LIF: variants seen among roughly 807,000 people sequenced by gnomAD.
LIF encodes leukemia inhibitory factor.
Under a neutral mutation model 15.0 loss-of-function variants are expected in LIF, and 9 were observed. The observed-to-expected ratio is 0.60, with a 90% confidence interval of 0.36 to 1.04. The LOEUF is 1.04. Among genes scored for constraint, LIF ranks in the 50% least tolerant of loss-of-function variants. The pLI is 0.01. For missense variants in LIF, 240 were observed against 266.7 expected, an observed-to-expected ratio of 0.90 and a Z score of 0.70; for synonymous variants, 122 against 119.7, an observed-to-expected ratio of 1.02 and a Z score of -0.13.
rs1928762175 is a variant in LIF at position 30,243,813 on chromosome 22, G to A, written c.447C>T (p.Ser149=). ...ATADILRGLL[S]NVLCRLCSKY... ...TGCTGCACAGGCGGCACAGCACGTT[G>A]CTAAGGAGGCCTCGCAGGATGTCGG... Residue 149 remains serine (S), a synonymous_variant, in exon 3 of 3, where the codon AGC becomes AGT. Coordinates refer to ENST00000249075, the MANE Select transcript of LIF (RefSeq NM_002309.5). This position sits in a 1 kb window ranked among gnomAD's most constrained non-coding sequence, Gnocchi z 6.0. 2 of 1,614,256 alleles carry A rather than the reference G, an allele frequency of 1.2e-6. No homozygotes were observed. The highest frequency in any genetic ancestry group is 1.7e-6 in the Non-Finnish European group (2 of 1,180,048).
chr22:30,242,480 G>A lies in LIF; in HGVS notation c.*1171C>T, dbSNP rs1928712995. ...CTGCTAAGCCCTGGCCCTGGCGCTT[G>A]TGTCGGGAGCCATCATCATATTTTG... On this transcript the variant is annotated 3_prime_UTR_variant, in exon 3 of 3. Transcript: ENST00000249075. The A allele has an allele frequency of 6.5e-6, 1 of 152,778 alleles. No homozygotes were observed. Among genetic ancestry groups the A allele is most frequent in the South Asian group, 2.1e-4 (1 of 4,828 alleles). 9.5% of individuals were successfully genotyped at this position (152,778 alleles called of 1,614,324 possible).
rs1314749411 is a variant in LIF, at chr22:30,242,939, A to T, written c.*712T>A. ...CCAGGCTGCAGGGAAGATCACGGGG[A>T]AGAGAACGAAGAACCTACCAAAGCT... On this transcript the variant is annotated 3_prime_UTR_variant, in exon 3 of 3. Transcript: ENST00000249075. 6.5e-6 allele frequency: 1 copy of T among 154,778 alleles called. No individual in the cohort carries two copies. Among genetic ancestry groups the T allele is most frequent in the East Asian group, 1.9e-4 (1 of 5,342 alleles). 9.6% of individuals were successfully genotyped at this position (154,778 alleles called of 1,614,324 possible).
intron 1 of LIF, among the ~76,000 whole-genome samples, chr22:30,245,350 C>T (rs41282467): frequency 0.02 from 3,098 of 152,262 alleles, 48 homozygotes; most frequent in Non-Finnish European, 0.029. Context: ...TCCCACCTCC[C>T]GTGGTGGCCC....
chr22:30,245,029 G>A, intron 1 of LIF, 96 bp from the exon 2 acceptor site: 1 of 1,194,226 alleles, frequency 8.4e-7, no homozygotes, highest in Non-Finnish European at 1.2e-6. Flanking sequence ...TGGCCGCATG[G>A]GAGAGGACTC....
At chr22:30,245,100 C>T (rs905268776) in intron 1 of LIF, among the ~76,000 whole-genome samples, 167 bp from the exon 2 acceptor site, 9 of 152,212 alleles carry the variant, frequency 5.9e-5, no homozygotes, top group African/African-American at 9.7e-5. Flanking sequence ...TCTGTCACTG[C>T]GTGTGTTTCT....
intron 1 of LIF, among the ~76,000 whole-genome samples, chr22:30,245,983 G>A (rs1232639502): frequency 2.0e-5 from 3 of 152,216 alleles, no homozygotes; most frequent in African/African-American, 2.4e-5. Context: ...CCTGAAGATG[G>A]TGGGGGCCGG....
Position 30,244,165 on chromosome 22 carries a change from T to C in LIF, c.199-104A>G. ...TGCGTCTGTTTCCCCATCTAGCGCA[T>C]GAGGACCCAACTCCTTGCCCTGTAA... On this transcript the variant is annotated intron_variant, in intron 2 of 2. Transcript: ENST00000249075. The C allele has an allele frequency of 2.7e-6, 3 of 1,112,096 alleles. No individual in the cohort carries two copies. The South Asian group carries it at 4.6e-5, about 17-fold the overall frequency. The allele number at this position is 1,112,096 out of a possible 1,614,324, so 68.9% of individuals were successfully genotyped here.
At position 30,243,991 on chromosome 22, in the gene LIF, G is replaced by A. The variant is rs779219330; in HGVS notation, c.269C>T (p.Pro90Leu). 66 of 1,613,784 alleles carry A rather than the reference G, an allele frequency of 4.1e-5. No homozygotes were observed. The highest frequency in any genetic ancestry group is 5.3e-5 in the Non-Finnish European group (63 of 1,180,022). ...CTCCGTGCCGTTGGCGTGGAAGGGC[G>A]GGAAGTCCGTCACGTTGGGGCCACA... ...KLCGPNVTDF[P>L]PFHANGTEKA... Residue 90 changes from proline to leucine, a missense_variant, in exon 3 of 3, where the codon CCG becomes CTG. Physicochemically the swap from Pro to Leu is moderately conservative, Grantham distance 98 (BLOSUM62 -3). Transcript: ENST00000249075. The surrounding 1 kb of genome is among the most constrained non-coding windows in gnomAD (Gnocchi z 6.0).
chr22:30,244,830 G>A lies in LIF; in HGVS notation c.123C>T (p.His41=), dbSNP rs1601642982. ...TCCTGATCTGGTTCATGAGGTTGTT[G>A]TGACATGGGTGGCGTATGGCACAGG... The part of the protein sequence containing the change: ...NATCAIRHPC[H]NNLMNQIRSQ... The change falls in exon 2 of 3, where the codon CAC becomes CAT. Residue 41 remains histidine (H), a synonymous_variant. Coordinates refer to ENST00000249075, the MANE Select transcript of LIF (RefSeq NM_002309.5). The A allele has an allele frequency of 2.5e-6, 4 of 1,614,206 alleles. No homozygotes were observed. The highest frequency in any genetic ancestry group is 1.3e-5 in the African/African-American group (1 of 75,044).
intron 1 of LIF, among the ~76,000 whole-genome samples, chr22:30,245,430 G>C (rs2123835406): frequency 6.6e-6 from 1 of 152,288 alleles, no homozygotes; most frequent in African/African-American, 2.4e-5. Flanking sequence ...GGCACCCATG[G>C]GGGCCACGGG....
At chr22:30,246,630 C>A (rs1928909287) in intron 1 of LIF, 47 bp downstream of exon 1, 2 of 1,540,404 alleles carry the variant, frequency 1.3e-6, no homozygotes, top group African/African-American at 2.8e-5. Flanking sequence ...GTTGCCGCCG[C>A]GCCCCGCAGC....
Position 30,244,078 on chromosome 22 carries a change from A to T in LIF, c.199-17T>A. On this transcript the variant is annotated splice_polypyrimidine_tract_variant and intron_variant, in intron 2 of 2. Transcript: ENST00000249075. ...GGCTGTGTACTGAGGGGCAGAAGGGAGGTGACGTGGGAGTCAGGGGTCAGT... is the reference window on the plus strand; with the variant it reads ...GGCTGTGTACTGAGGGGCAGAAGGGTGGTGACGTGGGAGTCAGGGGTCAGT... The T allele has an allele frequency of 6.3e-7, 1 of 1,589,658 alleles. No homozygotes were observed. The highest frequency in any genetic ancestry group is 8.6e-7 in the Non-Finnish European group (1 of 1,168,634).
chr22:30,245,543 G>A (rs926630608), intron 1 of LIF, among the ~76,000 whole-genome samples: 2 of 147,024 alleles, frequency 1.4e-5, no homozygotes, highest in South Asian at 2.1e-4. Flanking sequence ...TTCTGCCCCC[G>A]CCCCCATCAT....
In LIF at chr22:30,243,928, T is replaced by C. The variant is rs1424596709; in HGVS notation, c.332A>G (p.Tyr111Cys). ...GATGTTGCCCAGGGAGGTGCCAAGG[T>C]ACACGACTATGCGGTACAGCTCCAC... ...KLVELYRIVVYLGTSLGNITR... is the reference protein window; with the variant it reads ...KLVELYRIVVCLGTSLGNITR... Residue 111 changes from tyrosine to cysteine, a missense_variant, in exon 3 of 3, where the codon TAC becomes TGC. Tyr to Cys is a radical substitution (Grantham distance 194, BLOSUM62 -2). Coordinates refer to ENST00000249075, the MANE Select transcript of LIF (RefSeq NM_002309.5). This position sits in a 1 kb window ranked among gnomAD's most constrained non-coding sequence, Gnocchi z 6.0. 9 of 1,614,082 alleles carry C rather than the reference T, an allele frequency of 5.6e-6. No homozygotes were observed. Among genetic ancestry groups the C allele is most frequent in the African/African-American group, 1.3e-5 (1 of 74,928 alleles).
rs1928705946 is a variant in LIF at position 30,242,333 on chromosome 22, G to GC, written c.*1317_*1318insG. 1 of 147,328 alleles carries GC rather than the reference G, an allele frequency of 6.8e-6. No homozygotes were observed. The highest frequency in any genetic ancestry group is 2.5e-5 in the African/African-American group (1 of 40,538). The allele number at this position is 147,328 out of a possible 1,614,324, so 9.1% of individuals were successfully genotyped here. ...AGCAAGTCACAGTAGGGGATGGGGG[G>GC]GGGTGGAGCAAGGCCCCCCACTCCC... is the stretch of plus-strand genomic sequence containing the variant. On this transcript the variant is annotated 3_prime_UTR_variant, in exon 3 of 3. Transcript: ENST00000249075.
rs144658450 is a variant in LIF, at chr22:30,244,860, G to A, written c.93C>T (p.Asn31=). ...AGSPLPITPV[N]ATCAIRHPCH... is the part of the protein sequence containing the mutation. ...ATGGGTGGCGTATGGCACAGGTGGCGTTGACAGGGGTGATGGGGAGGGGGC... is the reference window on the plus strand; with the variant it reads ...ATGGGTGGCGTATGGCACAGGTGGCATTGACAGGGGTGATGGGGAGGGGGC... Residue 31 remains asparagine (N), a synonymous_variant, in exon 2 of 3, where the codon AAC becomes AAT. Transcript: ENST00000249075. 7.8e-4 allele frequency: 1,257 copies of A among 1,614,192 alleles called. 2 individuals are homozygous for A. Among genetic ancestry groups the A allele is most frequent in the Admixed American group, 1.0e-3 (63 of 60,028 alleles).
At chr22:30,246,533 C>T in intron 1 of LIF, 144 bp downstream of exon 1, 1 of 1,319,030 alleles carries the variant, frequency 7.6e-7, no homozygotes, top group Non-Finnish European at 9.7e-7. Flanking sequence ...GGCCGCCACC[C>T]AGCGCCTCCG....
At position 30,243,520 on chromosome 22, in the gene LIF, C is replaced by G. The variant is rs1928746031; in HGVS notation, c.*131G>C. On this transcript the variant is annotated 3_prime_UTR_variant, in exon 3 of 3. Coordinates refer to ENST00000249075, the MANE Select transcript of LIF (RefSeq NM_002309.5). The surrounding 1 kb of genome is among the most constrained non-coding windows in gnomAD (Gnocchi z 6.0). ...AGAGTGGAGTGGACTGGCCAGGCAC[C>G]CTCGGGGTCTGCCAGCAGCCCCCAT... The G allele has an allele frequency of 8.8e-7, 1 of 1,137,796 alleles. No individual in the cohort carries two copies. The highest frequency in any genetic ancestry group is 1.8e-5 in the Admixed American group (1 of 55,440). The allele number at this position is 1,137,796 out of a possible 1,614,324, so 70.5% of individuals were successfully genotyped here. A position where few individuals can be genotyped will look rare whatever the true frequency, so the allele number is the denominator to read the frequency against.
At chr22:30,246,298 G>A in intron 1 of LIF, 1 of 331,516 alleles carries the variant, frequency 3.0e-6, no homozygotes, top group Non-Finnish European at 4.5e-6. Flanking sequence ...CGGTTGGAAA[G>A]GAGAAAGCGG....
Sources: gnomAD v4.1 joint callset for allele counts (sites outside exome capture counted in the v4.1 genomes callset) on GRCh38, gnomAD v4.1.1 for gene constraint, Gnocchi (gnomAD v3.1) non-coding constraint, MANE v1.5 for transcripts, NCBI Gene and HGNC (gene_info 2026-07-23, HGNC 2026-07-21) for gene names.